PCDHB8: variants seen among roughly 807,000 people sequenced by gnomAD.
The protein encoded by PCDHB8 is protocadherin beta 8.
For synonymous variants in PCDHB8, 385 were observed against 448.5 expected (o/e 0.86, Z 1.79); for missense variants, 836 against 1,004.0 (o/e 0.83, Z 2.26).
chr5:141,180,440 A>G lies in PCDHB8; in HGVS notation c.2406A>G (p.Ter802=). 1.3e-6 allele frequency: 2 copies of G among 1,547,750 alleles called. No individual in the cohort carries two copies. Among genetic ancestry groups the G allele is most frequent in the Non-Finnish European group, 1.7e-6 (2 of 1,143,806 alleles). The change falls in exon 1 of 1, where the codon TAA becomes TAG. Residue 802 remains the stop codon, a stop_retained_variant. Coordinates refer to ENST00000239444, the MANE Select transcript of PCDHB8 (RefSeq NM_019120.5). ...NGFGFSLQLK[*] is the part of the protein sequence containing the mutation. ...TTGGTTTCAGCCTTCAGTTAAAGTA[A>G]TTGATTTCATATTATATATTTTAAT... is the stretch of plus-strand genomic sequence containing the variant.
At position 141,179,975 on chromosome 5, in the gene PCDHB8, C is replaced by T. The variant is rs1554281471; in HGVS notation, c.1941C>T (p.Asp647=). 1 of 1,608,554 alleles carries T rather than the reference C, an allele frequency of 6.2e-7. No homozygotes were observed. The highest frequency in any genetic ancestry group is 8.5e-7 in the Non-Finnish European group (1 of 1,179,686). Reference sequence around the variant, plus strand: ...AGAGGCTGGTGGTGCTGGTCAAGGACAATGGCGAGCCTCCGTGCTCGGCCA... The same window carrying T: ...AGAGGCTGGTGGTGCTGGTCAAGGATAATGGCGAGCCTCCGTGCTCGGCCA... ...AKQRLVVLVK[D]NGEPPCSATA... is the part of the protein sequence containing the mutation. Residue 647 remains aspartate (D), a synonymous_variant, in exon 1 of 1, where the codon GAC becomes GAT. Coordinates refer to ENST00000239444, the MANE Select transcript of PCDHB8 (RefSeq NM_019120.5).
Position 141,180,114 on chromosome 5 carries a change from G to C in PCDHB8, c.2080G>C (p.Ala694Pro), listed in dbSNP as rs781938170. Residue 694 changes from alanine (A) to proline (P), a missense_variant, in exon 1 of 1, where the codon GCG becomes CCG. By Grantham distance (27) the Ala-to-Pro change is conservative. Transcript: ENST00000239444. ...ADSLTVYLVV[A>P]LASVSSLFLF... ...CTCTCTCACCGTCTACCTGGTGGTGGCGTTGGCCTCGGTGTCTTCGCTCTT... is the reference window on the plus strand; with the variant it reads ...CTCTCTCACCGTCTACCTGGTGGTGCCGTTGGCCTCGGTGTCTTCGCTCTT... 9 of 1,610,852 alleles carry C rather than the reference G, an allele frequency of 5.6e-6. No homozygotes were observed. The Admixed American group carries it at 1.3e-4, about 24-fold the overall frequency.
chr5:141,177,956 G>A lies in PCDHB8; in HGVS notation c.-79G>A. ...CTGGCATATTTCTGAGGTATCTGTAGAAAACCACAGCCTCAGATACTGGGG... is the reference window on the plus strand; with the variant it reads ...CTGGCATATTTCTGAGGTATCTGTAAAAAACCACAGCCTCAGATACTGGGG... On this transcript the variant is annotated 5_prime_UTR_variant, in exon 1 of 1. Transcript: ENST00000239444. 6.2e-7 allele frequency: 1 copy of A among 1,607,074 alleles called. No individual in the cohort carries two copies. The highest frequency in any genetic ancestry group is 1.4e-5 in the African/African-American group (1 of 73,990).
In PCDHB8 at chr5:141,179,572, A is replaced by G. The variant is rs142197996; in HGVS notation, c.1538A>G (p.His513Arg). The change falls in exon 1 of 1, where the codon CAC (histidine) becomes CGC (arginine). Residue 513 changes from histidine (H) to arginine (R), a missense_variant. Coordinates refer to ENST00000239444, the MANE Select transcript of PCDHB8 (RefSeq NM_019120.5). ...GTCTCCATCAACACAGACAACGGCC[A>G]CCTGTTCGCCCTCAGGTCGCTGGAC... is the stretch of plus-strand genomic sequence containing the variant. ...SLVSINTDNG[H>R]LFALRSLDYE... 159 of 1,613,696 alleles carry G rather than the reference A, an allele frequency of 9.9e-5. No homozygotes were observed. The African/African-American group carries it at 1.9e-3, about 19-fold the overall frequency.
chr5:141,179,111 G>A lies in PCDHB8; in HGVS notation c.1077G>A (p.Glu359=). Residue 359 remains glutamate, a synonymous_variant, in exon 1 of 1, where the codon GAG becomes GAA. Coordinates refer to ENST00000239444, the MANE Select transcript of PCDHB8 (RefSeq NM_019120.5). ...CTGCATTTACCAGCCCAATACCTGA[G>A]AATGCGCCTGAAACTGTGGTTGCAC... The part of the protein sequence containing the change: ...TMSAFTSPIP[E]NAPETVVALF... The A allele has an allele frequency of 6.2e-7, 1 of 1,614,208 alleles. No homozygotes were observed. The highest frequency in any genetic ancestry group is 8.5e-7 in the Non-Finnish European group (1 of 1,180,052).
rs35245446 is a variant in PCDHB8 at position 141,180,310 on chromosome 5, G to C, written c.2276G>C (p.Gly759Ala). 1.2e-6 allele frequency: 2 copies of C among 1,614,034 alleles called. No homozygotes were observed. The highest frequency in any genetic ancestry group is 1.7e-6 in the Non-Finnish European group (2 of 1,179,972). The change falls in exon 1 of 1, where the codon GGC (glycine) becomes GCC (alanine). Residue 759 changes from glycine to alanine, a missense_variant. Transcript: ENST00000239444. ...NYQYEVCLAGGSGTNEFQLLK... is the reference protein window; with the variant it reads ...NYQYEVCLAGASGTNEFQLLK... ...CAGTACGAGGTGTGCCTGGCAGGAG[G>C]CTCAGGGACGAATGAGTTCCAGCTC...
In PCDHB8 at chr5:141,179,050, T is replaced by C. The variant is rs1753462510; in HGVS notation, c.1016T>C (p.Ile339Thr). ...SGKCTVLIQV[I>T]DVNDHAPEVT... ...AAATGCACCGTTCTGATTCAAGTGA[T>C]AGATGTGAACGACCATGCCCCAGAA... is the stretch of plus-strand genomic sequence containing the variant. Residue 339 changes from isoleucine (I) to threonine (T), a missense_variant, in exon 1 of 1, where the codon ATA (isoleucine) becomes ACA (threonine). Transcript: ENST00000239444. 9 of 1,614,114 alleles carry C rather than the reference T, an allele frequency of 5.6e-6. No individual in the cohort carries two copies. Among genetic ancestry groups the C allele is most frequent in the Middle Eastern group, 3.3e-4 (2 of 6,084 alleles).
chr5:141,179,286 TA>T lies in PCDHB8; in HGVS notation c.1253del (p.Tyr418SerfsTer10). The T allele has an allele frequency of 1.9e-6, 3 of 1,614,148 alleles. No individual in the cohort carries two copies. The highest frequency in any genetic ancestry group is 2.5e-6 in the Non-Finnish European group (3 of 1,180,040). On this transcript the variant is annotated frameshift_variant, in exon 1 of 1. Coordinates refer to ENST00000239444, the MANE Select transcript of PCDHB8 (RefSeq NM_019120.5). LOFTEE classifies it low-confidence loss of function (END_TRUNC). Reference sequence around the variant, plus strand: ...ACTAGACAGAGAAAGCAGAGCCGAGTACAACGTCACTATCACCGTCACTGAC... The same window carrying T: ...ACTAGACAGAGAAAGCAGAGCCGAGTCAACGTCACTATCACCGTCACTGAC... ...TPLDRESRAEYNVTITVTDLG... is the reference protein window; with the variant it reads ...TPLDRESRAEXNVTITVTDLG...
chr5:141,179,773 C>A lies in PCDHB8; in HGVS notation c.1739C>A (p.Ala580Glu), dbSNP rs374505292. ...SAPCTELVPR[A>E]AEPGYLVTKV... ...CCCTGCACCGAGCTGGTGCCCCGGG[C>A]GGCCGAGCCGGGCTACCTGGTGACC... Residue 580 changes from alanine to glutamate, a missense_variant, in exon 1 of 1, where the codon GCG (alanine) becomes GAG (glutamate). By Grantham distance (107) the Ala-to-Glu change is moderately radical (BLOSUM62 -1). Transcript: ENST00000239444. 5.6e-6 allele frequency: 9 copies of A among 1,610,752 alleles called. No individual in the cohort carries two copies. In the African/African-American group the frequency reaches 1.1e-4, roughly 19 times the overall value.
rs1554281624 is a variant in PCDHB8, at chr5:141,180,178, G to A, written c.2144G>A (p.Cys715Tyr). 1.2e-6 allele frequency: 2 copies of A among 1,612,646 alleles called. No homozygotes were observed. The highest frequency in any genetic ancestry group is 2.2e-5 in the East Asian group (1 of 44,868). The change falls in exon 1 of 1, where the codon TGT becomes TAT. Residue 715 changes from cysteine (C) to tyrosine (Y), a missense_variant. Transcript: ENST00000239444. ...SVLLFVAVLL[C>Y]RRSRAASVGR... ...CTCCTGTTCGTGGCGGTGCTGCTGT[G>A]TAGGAGGAGCAGGGCGGCCTCGGTG...
rs536616286 is a variant in PCDHB8 at position 141,179,057 on chromosome 5, G to A, written c.1023G>A (p.Val341=). Residue 341 remains valine (V), a synonymous_variant, in exon 1 of 1, where the codon GTG becomes GTA. Coordinates refer to ENST00000239444, the MANE Select transcript of PCDHB8 (RefSeq NM_019120.5). Reference sequence around the variant, plus strand: ...CCGTTCTGATTCAAGTGATAGATGTGAACGACCATGCCCCAGAAGTTACCA... The same window carrying A: ...CCGTTCTGATTCAAGTGATAGATGTAAACGACCATGCCCCAGAAGTTACCA... ...KCTVLIQVID[V]NDHAPEVTMS... The A allele has an allele frequency of 6.2e-7, 1 of 1,614,240 alleles. No homozygotes were observed. The highest frequency in any genetic ancestry group is 8.5e-7 in the Non-Finnish European group (1 of 1,180,046).
chr5:141,179,603 G>T lies in PCDHB8; in HGVS notation c.1569G>T (p.Glu523Asp). Residue 523 changes from glutamate to aspartate, a missense_variant, in exon 1 of 1, where the codon GAG (glutamate) becomes GAT (aspartate). By Grantham distance (45) the Glu-to-Asp change is conservative. Transcript: ENST00000239444. ...HLFALRSLDY[E>D]ALQAFEFRVG... ...TCGCCCTCAGGTCGCTGGACTACGA[G>T]GCCCTGCAGGCGTTCGAGTTCCGGG... 6.2e-7 allele frequency: 1 copy of T among 1,613,536 alleles called. No individual in the cohort carries two copies. The highest frequency in any genetic ancestry group is 1.1e-5 in the South Asian group (1 of 91,064).
In PCDHB8 at chr5:141,178,558, C is replaced by T. The variant is rs1753440270; in HGVS notation, c.524C>T (p.Pro175Leu). 1.2e-6 allele frequency: 2 copies of T among 1,614,080 alleles called. No homozygotes were observed. Among genetic ancestry groups the T allele is most frequent in the East Asian group, 2.2e-5 (1 of 44,872 alleles). The change falls in exon 1 of 1, where the codon CCC becomes CTC. Residue 175 changes from proline (P) to leucine (L), a missense_variant. Coordinates refer to ENST00000239444, the MANE Select transcript of PCDHB8 (RefSeq NM_019120.5). ...AATATTGAGAACTATATAATCAGCC[C>T]CAACTCCTATTTTCGGGTCCTCACC... is the stretch of plus-strand genomic sequence containing the variant. Reference protein sequence around the residue: ...QNNIENYIISPNSYFRVLTRK... With the variant: ...QNNIENYIISLNSYFRVLTRK...
Position 141,180,241 on chromosome 5 carries a change from A to G in PCDHB8, c.2207A>G (p.His736Arg), listed in dbSNP as rs782251563. 5.0e-6 allele frequency: 8 copies of G among 1,613,378 alleles called. No homozygotes were observed. Among genetic ancestry groups the G allele is most frequent in the South Asian group, 2.2e-5 (2 of 91,052 alleles). Reference protein sequence around the residue: ...CSVPEGPFPGHLVDVRGTGSL... With the variant: ...CSVPEGPFPGRLVDVRGTGSL... ...GTGCCTGAGGGCCCCTTTCCAGGGC[A>G]TCTGGTGGACGTGAGGGGCACCGGG... The change falls in exon 1 of 1, where the codon CAT becomes CGT. Residue 736 changes from histidine (H) to arginine (R), a missense_variant. Transcript: ENST00000239444.
chr5:141,180,491 T>G lies in PCDHB8; in HGVS notation c.*51T>G. On this transcript the variant is annotated 3_prime_UTR_variant, in exon 1 of 1. Coordinates refer to ENST00000239444, the MANE Select transcript of PCDHB8 (RefSeq NM_019120.5). ...TTTTATGATCAATTCAAAGGAATGGTTTTCTGTCAACTTAGCATAAATTTT... is the reference window on the plus strand; with the variant it reads ...TTTTATGATCAATTCAAAGGAATGGGTTTCTGTCAACTTAGCATAAATTTT... 1 of 1,308,730 alleles carries G rather than the reference T, an allele frequency of 7.6e-7. No homozygotes were observed. Among genetic ancestry groups the G allele is most frequent in the Non-Finnish European group, 1.0e-6 (1 of 982,548 alleles). The allele number at this position is 1,308,730 out of a possible 1,614,324, so 81.1% of individuals were successfully genotyped here.
Position 141,180,002 on chromosome 5 carries a change from C to T in PCDHB8, c.1968C>T (p.Thr656=), listed in dbSNP as rs781919824. 1.5e-5 allele frequency: 24 copies of T among 1,608,644 alleles called. No homozygotes were observed. Among genetic ancestry groups the T allele is most frequent in the Non-Finnish European group, 2.0e-5 (24 of 1,179,752 alleles). Residue 656 remains threonine, a synonymous_variant, in exon 1 of 1, where the codon ACC becomes ACT. Transcript: ENST00000239444. The part of the protein sequence containing the change: ...KDNGEPPCSA[T]ATLHVLLVDG... ...ATGGCGAGCCTCCGTGCTCGGCCAC[C>T]GCCACGCTGCACGTGCTCCTGGTGG...
rs868926928 is a variant in PCDHB8, at chr5:141,179,337, C to A, written c.1303C>A (p.His435Asn). The A allele has an allele frequency of 1.2e-6, 2 of 1,614,144 alleles. No individual in the cohort carries two copies. Among genetic ancestry groups the A allele is most frequent in the Admixed American group, 3.3e-5 (2 of 60,014 alleles). ...CTTAGGGACACCCAGGCTGACAACACATCTCAATATGACCGTGCTGGTGTC... is the reference window on the plus strand; with the variant it reads ...CTTAGGGACACCCAGGCTGACAACAAATCTCAATATGACCGTGCTGGTGTC... The part of the protein sequence containing the change: ...TDLGTPRLTT[H>N]LNMTVLVSDV... The change falls in exon 1 of 1, where the codon CAT (histidine) becomes AAT (asparagine). Residue 435 changes from histidine to asparagine, a missense_variant. Physicochemically the swap from His to Asn is moderately conservative, Grantham distance 68. Transcript: ENST00000239444.
Position 141,177,956 on chromosome 5 carries a change from G to C in PCDHB8, c.-79G>C, listed in dbSNP as rs1349968631. ...CTGGCATATTTCTGAGGTATCTGTA[G>C]AAAACCACAGCCTCAGATACTGGGG... On this transcript the variant is annotated 5_prime_UTR_variant, in exon 1 of 1. Coordinates refer to ENST00000239444, the MANE Select transcript of PCDHB8 (RefSeq NM_019120.5). The C allele has an allele frequency of 1.9e-6, 3 of 1,607,074 alleles. No homozygotes were observed. Among genetic ancestry groups the C allele is most frequent in the Non-Finnish European group, 2.5e-6 (3 of 1,176,474 alleles).
Position 141,180,298 on chromosome 5 carries a change from G to A in PCDHB8, c.2264G>A (p.Cys755Tyr), listed in dbSNP as rs782090265. 6.2e-7 allele frequency: 1 copy of A among 1,614,086 alleles called. No individual in the cohort carries two copies. The highest frequency in any genetic ancestry group is 8.5e-7 in the Non-Finnish European group (1 of 1,179,970). Reference protein sequence around the residue: ...SLSQNYQYEVCLAGGSGTNEF... With the variant: ...SLSQNYQYEVYLAGGSGTNEF... ...TCTCAGAACTATCAGTACGAGGTGT[G>A]CCTGGCAGGAGGCTCAGGGACGAAT... is the stretch of plus-strand genomic sequence containing the variant. Residue 755 changes from cysteine to tyrosine, a missense_variant, in exon 1 of 1, where the codon TGC becomes TAC. Cys to Tyr is a radical substitution (Grantham distance 194). Transcript: ENST00000239444.
Sources: allele counts gnomAD v4.1 joint callset, GRCh38; gene constraint gnomAD v4.1.1; transcripts MANE v1.5; gene names NCBI Gene and HGNC (gene_info 2026-07-23, HGNC 2026-07-21).